The following ZNF593OS variants were observed in gnomAD, a reference collection of about 807,000 sequenced individuals.
ZNF593OS encodes the protein ZNF593 opposite strand.
chr1:26,169,954 G>C, downstream of ZNF593OS: 1 of 1,520,442 alleles, frequency 6.6e-7, no homozygotes, highest in Middle Eastern at 1.7e-4. Context: ...CCTGCTCCTG[G>C]CCCCTTGGCC....
chr1:26,169,881 A>C (rs2124497014), downstream of ZNF593OS: 1 of 1,266,218 alleles, frequency 7.9e-7, no homozygotes, highest in Non-Finnish European at 1.0e-6. Flanking sequence ...GAGCCTGCCT[A>C]GCCCCCCGGC....
rs1271340609 is a variant in ZNF593OS, at chr1:26,171,044, T to G, written c.*145A>C. 5.9e-6 allele frequency: 3 copies of G among 507,868 alleles called. No individual in the cohort carries two copies. The East Asian group carries it at 9.0e-5, about 15-fold the overall frequency. The allele number at this position is 507,868 out of a possible 1,614,324, so 31.5% of individuals were successfully genotyped here. ...CTGGAGCACCCAGATGGAGGCCTGA[T>G]GCAGTGTGGGGTGGCGGGAGTGGGA... On this transcript the variant is annotated 3_prime_UTR_variant, in exon 2 of 2. Transcript: ENST00000648649. The surrounding 1 kb of genome is among the most constrained non-coding windows in gnomAD (Gnocchi z 5.5).
chr1:26,170,973 C>T lies in ZNF593OS; in HGVS notation c.*216G>A, dbSNP rs1272310806. 4.7e-5 allele frequency: 27 copies of T among 578,716 alleles called. 1 individual carries two copies. The highest frequency in any genetic ancestry group is 4.2e-4 in the South Asian group (18 of 43,168). The allele number at this position is 578,716 out of a possible 1,614,324, so 35.8% of individuals were successfully genotyped here. A position where few individuals can be genotyped will look rare whatever the true frequency, so the allele number is the denominator to read the frequency against. On this transcript the variant is annotated 3_prime_UTR_variant, in exon 2 of 2. Coordinates refer to ENST00000648649, the Ensembl canonical transcript of ZNF593OS. ...ACACCAGGCCTAGGGTGTCTACTCC[C>T]CACTTGGTCTATCTCTGCCTTCCCT...
At chr1:26,170,151 A>T (rs765856781), downstream of ZNF593OS, 4 of 1,572,140 alleles carry the variant, frequency 2.5e-6, no homozygotes, top group South Asian at 1.1e-5. Flanking sequence ...CCGACCTGCC[A>T]GGGGGCGGTC....
rs895015784 is a variant in ZNF593OS, at chr1:26,171,452, C to T, written c.46-117G>A. On this transcript the variant is annotated intron_variant, in intron 1 of 1. Transcript: ENST00000648649. This position sits in a 1 kb window ranked among gnomAD's most constrained non-coding sequence, Gnocchi z 5.5. The stretch of plus-strand genomic sequence containing the variant: ...AAGGAGACATGGACGCCGGTCCTGC[C>T]CCAGGGAGATTCCACCCCAATCCCT... The T allele has an allele frequency of 2.5e-6, 1 of 398,772 alleles. No homozygotes were observed. Among genetic ancestry groups the T allele is most frequent in the Non-Finnish European group, 4.4e-6 (1 of 226,338 alleles). 24.7% of individuals were successfully genotyped at this position (398,772 alleles called of 1,614,324 possible).
At chr1:26,170,334 T>G, downstream of ZNF593OS, 1 of 1,541,148 alleles carries the variant, frequency 6.5e-7, no homozygotes, top group Non-Finnish European at 8.8e-7. Flanking sequence ...GATCCTGGCG[T>G]CAGGGACAAG....
chr1:26,170,927 G>A (rs2088490669), exon 2 of ZNF593OS: 2 of 647,422 alleles, frequency 3.1e-6, no homozygotes, highest in Admixed American at 2.9e-5. Flanking sequence ...GCCCTGGAAG[G>A]GCTTCTCTAC....
At chr1:26,169,890 G>T, downstream of ZNF593OS, 5 of 1,320,376 alleles carry the variant, frequency 3.8e-6, no homozygotes, top group Non-Finnish European at 5.0e-6. Context: ...TAGCCCCCCG[G>T]CGTGGCCTGA....
downstream of ZNF593OS, chr1:26,169,763 T>G: frequency 1.8e-6 from 1 of 550,392 alleles, no homozygotes. Context: ...TGCCCTTCAG[T>G]GGGCACACTT....
chr1:26,170,780 A>G, exon 2 of ZNF593OS: 1 of 1,555,000 alleles, frequency 6.4e-7, no homozygotes, highest in Non-Finnish European at 8.7e-7. Flanking sequence ...CTAGGCTGGG[A>G]GGGAGCGTGC....
chr1:26,170,037 G>T, downstream of ZNF593OS: 1 of 1,573,264 alleles, frequency 6.4e-7, no homozygotes, highest in Non-Finnish European at 8.6e-7. Context: ...TAGCCCGGCA[G>T]ATGAAGGCGA....
rs1238937103 is a variant in ZNF593OS at position 26,171,336 on chromosome 1, C to T, written c.46-1G>A. On this transcript the variant is annotated splice_acceptor_variant, in intron 1 of 1. Transcript: ENST00000648649. LOFTEE classifies it high-confidence loss of function. This position sits in a 1 kb window ranked among gnomAD's most constrained non-coding sequence, Gnocchi z 5.5. ...CCTTCAGCTCACCAGCTACCTGCAT[C>T]TGGAGGTGCACAGAGGGTGTGCCTC... is the stretch of plus-strand genomic sequence containing the variant. 1 of 401,036 alleles carries T rather than the reference C, an allele frequency of 2.5e-6. No individual in the cohort carries two copies. The highest frequency in any genetic ancestry group is 4.4e-6 in the Non-Finnish European group (1 of 227,812). The allele number at this position is 401,036 out of a possible 1,614,324, so 24.8% of individuals were successfully genotyped here. A position where few individuals can be genotyped will look rare whatever the true frequency, so the allele number is the denominator to read the frequency against.
At chr1:26,170,847 C>T in exon 2 of ZNF593OS, 1 of 1,207,662 alleles carries the variant, frequency 8.3e-7, no homozygotes. Context: ...GTGCCCTGCC[C>T]CAAATAAAGG....
At position 26,171,442 on chromosome 1, in the gene ZNF593OS, C is replaced by A; in HGVS notation, c.46-107G>T. The A allele has an allele frequency of 2.5e-6, 1 of 398,804 alleles. No individual in the cohort carries two copies. Among genetic ancestry groups the A allele is most frequent in the Non-Finnish European group, 4.4e-6 (1 of 226,340 alleles). 24.7% of individuals were successfully genotyped at this position (398,804 alleles called of 1,614,324 possible). On this transcript the variant is annotated intron_variant, in intron 1 of 1. Transcript: ENST00000648649. The surrounding 1 kb of genome is among the most constrained non-coding windows in gnomAD (Gnocchi z 5.5). ...TAGCTAGGGGAAGGAGACATGGACG[C>A]CGGTCCTGCCCCAGGGAGATTCCAC... is the stretch of plus-strand genomic sequence containing the variant.
downstream of ZNF593OS, chr1:26,169,867 G>A: frequency 1.7e-6 from 2 of 1,166,144 alleles, no homozygotes; most frequent in Non-Finnish European, 2.3e-6. Flanking sequence ...GAGGCGGTCC[G>A]GCCGAGCCTG....
chr1:26,170,311 T>C, downstream of ZNF593OS: 3 of 1,529,392 alleles, frequency 2.0e-6, no homozygotes, highest in Non-Finnish European at 2.6e-6. Context: ...CCGCCTCCCG[T>C]TTCTCAGACC....
In ZNF593OS at chr1:26,171,177, C is replaced by T. The variant is rs996901778; in HGVS notation, c.*12G>A. The T allele has an allele frequency of 2.5e-6, 1 of 407,560 alleles. No individual in the cohort carries two copies. Among genetic ancestry groups the T allele is most frequent in the Non-Finnish European group, 4.3e-6 (1 of 230,896 alleles). The allele number at this position is 407,560 out of a possible 1,614,324, so 25.2% of individuals were successfully genotyped here. A position where few individuals can be genotyped will look rare whatever the true frequency, so the allele number is the denominator to read the frequency against. On this transcript the variant is annotated 3_prime_UTR_variant, in exon 2 of 2. Coordinates refer to ENST00000648649, the Ensembl canonical transcript of ZNF593OS. The surrounding 1 kb of genome is among the most constrained non-coding windows in gnomAD (Gnocchi z 5.5). ...CTACCCCCAGCATCCAAGTGAGAGT[C>T]TCTCTTCTTCGTTACGGGGCCCGTG...
At chr1:26,170,345 C>T (rs539277026), downstream of ZNF593OS, 47 of 1,553,922 alleles carry the variant, frequency 3.0e-5, no homozygotes, top group African/African-American at 5.4e-5. Context: ...CAGGGACAAG[C>T]TAGGGCTAGG....
exon 2 of ZNF593OS, chr1:26,170,912 C>A: frequency 1.4e-6 from 1 of 696,240 alleles, no homozygotes; most frequent in Non-Finnish European, 2.3e-6. Flanking sequence ...CTGTCTCAAA[C>A]TCCTGCCCTG....
Sources: allele counts gnomAD v4.1 joint callset, GRCh38; gene constraint gnomAD v4.1.1; non-coding constraint Gnocchi (gnomAD v3.1); transcripts MANE v1.5; gene names NCBI Gene and HGNC (gene_info 2026-07-23, HGNC 2026-07-21).